The following GRIK1 variants were observed in gnomAD, a reference collection of about 807,000 sequenced individuals.
The protein encoded by GRIK1 is glutamate receptor ionotropic, kainate 1.
GRIK1 carries 69 observed loss-of-function variants against 105.7 expected under a neutral mutation model. The ratio of observed to expected loss-of-function variants is 0.65; its 90% CI spans 0.54 to 0.80. GRIK1 has a LOEUF of 0.80. Among genes scored for constraint, GRIK1 ranks in the 30% least tolerant of loss-of-function variants. The pLI is 0.00. For synonymous variants in GRIK1, 438 were observed against 431.3 expected, an observed-to-expected ratio of 1.02 and a Z score of -0.19; for missense variants, 1,109 against 1,167.3, an observed-to-expected ratio of 0.95 and a Z score of 0.73.
intron 14 of GRIK1, among the ~76,000 whole-genome samples, chr21:29,571,077 C>A (rs746531853): frequency 6.6e-6 from 1 of 152,098 alleles, no homozygotes; most frequent in Admixed American, 6.5e-5. Context: ...TTCCACTGGG[C>A]GCAGTGGCTC....
chr21:29,904,183 G>A (rs549124316), intron 1 of GRIK1, among the ~76,000 whole-genome samples: 15 of 152,062 alleles, frequency 9.9e-5, no homozygotes, highest in South Asian at 4.2e-4. Context: ...GGTGACAGGC[G>A]ATGGGTGCCG....
At chr21:29,888,184 C>CTTTCTTTCTTTCTTTCTTTCTTT (rs1301166060) in intron 1 of GRIK1, among the ~76,000 whole-genome samples, 2 of 64,832 alleles carry the variant, frequency 3.1e-5, no homozygotes, top group African/African-American at 9.8e-5. Context: ...TTTCTTTCTT[C>CTTTCTTTCTTTCTTTCTTTCTTT]CTTTCTTTCT....
intron 7 of GRIK1, among the ~76,000 whole-genome samples, chr21:29,639,146 T>C (rs1036866789): frequency 1.3e-5 from 2 of 152,222 alleles, no homozygotes; most frequent in Non-Finnish European, 2.9e-5. Flanking sequence ...CTGGATATGA[T>C]TTTTATGAAC....
At chr21:29,625,549 C>G (rs1489825184) in intron 7 of GRIK1, among the ~76,000 whole-genome samples, 1 of 152,166 alleles carries the variant, frequency 6.6e-6, no homozygotes, top group African/African-American at 2.4e-5. Flanking sequence ...CTGAGGCCAA[C>G]CCTCATGTCC....
At chr21:29,556,902 A>T (rs1052091016) in intron 15 of GRIK1, among the ~76,000 whole-genome samples, 5 of 152,234 alleles carry the variant, frequency 3.3e-5, no homozygotes, top group Non-Finnish European at 5.9e-5. Context: ...GTTAGTACAT[A>T]CTGATTAATG....
Position 29,752,867 on chromosome 21 carries a change from G to A in GRIK1, c.119-58804C>T, listed in dbSNP as rs1424058986. 3.9e-5 allele frequency among the ~76,000 whole-genome samples: 6 copies of A among 152,278 alleles called. No individual in the cohort carries two copies. In the East Asian group the frequency reaches 9.7e-4, roughly 25 times the overall value. On this transcript the variant is annotated intron_variant, in intron 1 of 17. Coordinates refer to ENST00000327783, the MANE Select transcript of GRIK1 (RefSeq NM_001330994.2). ...AAAATAAAAAGTATATGTAAGTAGTGCATCTGTTATTGAACAGTACCAGGA... is the reference window on the plus strand; with the variant it reads ...AAAATAAAAAGTATATGTAAGTAGTACATCTGTTATTGAACAGTACCAGGA...
At chr21:29,659,058 G>A (rs2062910136) in intron 4 of GRIK1, among the ~76,000 whole-genome samples, 1 of 152,160 alleles carries the variant, frequency 6.6e-6, no homozygotes, top group Non-Finnish European at 1.5e-5. Flanking sequence ...TTAGTCAGGA[G>A]CACAGGGCAT....
chr21:29,694,863 T>C (rs1954009173), intron 1 of GRIK1, among the ~76,000 whole-genome samples: 1 of 152,200 alleles, frequency 6.6e-6, no homozygotes, highest in South Asian at 2.1e-4. Context: ...TTTTTCAAGA[T>C]AAAAATGTCC....
At chr21:29,737,895 A>AGC (rs1374233364) in intron 1 of GRIK1, among the ~76,000 whole-genome samples, 1 of 152,250 alleles carries the variant, frequency 6.6e-6, no homozygotes, top group Non-Finnish European at 1.5e-5. Context: ...TTTGAGGGTG[A>AGC]GCACATGTAT....
chr21:29,670,025 G>T (rs1012050940), intron 4 of GRIK1, among the ~76,000 whole-genome samples: 1 of 152,154 alleles, frequency 6.6e-6, no homozygotes, highest in Non-Finnish European at 1.5e-5. Flanking sequence ...GCCTCTGGAG[G>T]TTCCAATGAA....
chr21:29,623,418 C>T (rs1945475906), intron 7 of GRIK1, among the ~76,000 whole-genome samples: 1 of 151,558 alleles, frequency 6.6e-6, no homozygotes, highest in African/African-American at 2.4e-5. Context: ...TGACCCAAAC[C>T]CTGCAAGACA....
At chr21:29,571,619 G>A (rs1241350927) in intron 14 of GRIK1, among the ~76,000 whole-genome samples, 2 of 152,176 alleles carry the variant, frequency 1.3e-5, no homozygotes, top group African/African-American at 4.8e-5. Context: ...ACTTCACTAA[G>A]CACATCCCTT....
rs2067022301 is a variant in GRIK1 at position 29,811,983 on chromosome 21, CAAAACGATCCCTTTT to C, written c.119-117935_119-117921del. On this transcript the variant is annotated intron_variant, in intron 1 of 17. Coordinates refer to ENST00000327783, the MANE Select transcript of GRIK1 (RefSeq NM_001330994.2). ...AATGTCATCTCCCTGGAGAACTCTC[CAAAACGATCCCTTTT>C]AAAATGGTTCATCAACCCCAAGTCA... Among the ~76,000 whole-genome samples, 11 of 152,228 alleles carry C rather than the reference CAAAACGATCCCTTTT, an allele frequency of 7.2e-5. No homozygotes were observed. The South Asian group carries it at 2.3e-3, about 32-fold the overall frequency.
At chr21:29,631,812 T>A (rs2062279950) in intron 7 of GRIK1, among the ~76,000 whole-genome samples, 1 of 152,270 alleles carries the variant, frequency 6.6e-6, no homozygotes. Context: ...ACCTGTCTTT[T>A]ACTTTCAATG....
At chr21:29,755,087 A>G (rs930763652) in intron 1 of GRIK1, among the ~76,000 whole-genome samples, 6 of 152,250 alleles carry the variant, frequency 3.9e-5, no homozygotes, top group Non-Finnish European at 8.8e-5. Context: ...TTGAGGGTTC[A>G]TATTTGAATA....
At chr21:29,566,080 A>G (rs1466015242) in intron 14 of GRIK1, among the ~76,000 whole-genome samples, 1 of 152,222 alleles carries the variant, frequency 6.6e-6, no homozygotes, top group Non-Finnish European at 1.5e-5. Context: ...GTTGAGTCTC[A>G]AATCTTAGTA....
At chr21:29,889,248 A>C (rs558977245) in intron 1 of GRIK1, among the ~76,000 whole-genome samples, 6 of 152,200 alleles carry the variant, frequency 3.9e-5, no homozygotes, top group Non-Finnish European at 8.8e-5. Flanking sequence ...TGAGAGTAAT[A>C]TATGTTAAGT....
chr21:29,752,776 A>ACAGTGAACTAGGATCGTGCCACT (rs2065238075), intron 1 of GRIK1, among the ~76,000 whole-genome samples: 1 of 152,238 alleles, frequency 6.6e-6, no homozygotes, highest in Non-Finnish European at 1.5e-5. Flanking sequence ...GTTCAAGGCT[A>ACAGTGAACTAGGATCGTGCCACT]CAGTGAACTA....
chr21:29,570,712 G>C (rs1219382081), intron 14 of GRIK1, among the ~76,000 whole-genome samples: 2 of 152,108 alleles, frequency 1.3e-5, no homozygotes, highest in Non-Finnish European at 2.9e-5. Context: ...TGGGGTGCCT[G>C]AGACCCTTTG....
Sources: allele counts gnomAD v4.1 joint callset (sites outside exome capture counted in the v4.1 genomes callset), GRCh38; gene constraint gnomAD v4.1.1; transcripts MANE v1.5; gene names NCBI Gene and HGNC (gene_info 2026-07-23, HGNC 2026-07-21).